The following PCDHGA2 variants were observed in gnomAD, a reference collection of about 807,000 sequenced individuals.
The protein encoded by PCDHGA2 is protocadherin gamma-A2.
PCDHGA2 carries 40 observed loss-of-function variants against 59.2 expected under a neutral mutation model. That is an observed-to-expected ratio of 0.68 (90% CI 0.52 to 0.88). The LOEUF (loss-of-function observed/expected upper bound fraction) is 0.88. PCDHGA2 is among the 40% of genes least tolerant of loss of function. The pLI is 0.00. For missense variants in PCDHGA2, 1,226 were observed against 1,204.0 expected, an observed-to-expected ratio of 1.02 and a Z score of -0.27; for synonymous variants, 560 against 526.0, an observed-to-expected ratio of 1.06 and a Z score of -0.89.
intron 1 of PCDHGA2, among the ~76,000 whole-genome samples, chr5:141,460,951 G>GTATA (rs200454978): frequency 7.9e-5 from 11 of 139,774 alleles, no homozygotes; most frequent in Middle Eastern, 3.7e-3. Context: ...TATGTATTAT[G>GTATA]TATATATATA....
intron 1 of PCDHGA2, chr5:141,399,718 C>G (rs770212703): frequency 6.2e-7 from 1 of 1,613,308 alleles, no homozygotes; most frequent in Non-Finnish European, 8.5e-7. Context: ...ACTACAGGCC[C>G]GCGACCAGGG....
At chr5:141,492,587 C>G (rs2154587748) in intron 1 of PCDHGA2, among the ~76,000 whole-genome samples, 1 of 152,314 alleles carries the variant, frequency 6.6e-6, no homozygotes, top group African/African-American at 2.4e-5. Flanking sequence ...GGGCCAGGAG[C>G]GCTGGAGCGA....
chr5:141,481,679 C>T (rs2099541734), intron 1 of PCDHGA2, among the ~76,000 whole-genome samples: 1 of 151,948 alleles, frequency 6.6e-6, no homozygotes, highest in Non-Finnish European at 1.5e-5. Context: ...TCAGGCCGGG[C>T]CTGGTGGCTC....
At chr5:141,466,450 G>T (rs139024933) in intron 1 of PCDHGA2, among the ~76,000 whole-genome samples, 1 of 152,172 alleles carries the variant, frequency 6.6e-6, no homozygotes, top group Non-Finnish European at 1.5e-5. Context: ...TGTCTATGGT[G>T]TTGGCTATTG....
At position 141,511,983 on chromosome 5, in the gene PCDHGA2, G is replaced by A. The variant is rs904146751; in HGVS notation, c.*810G>A. 6.5e-6 allele frequency: 1 copy of A among 153,280 alleles called. No homozygotes were observed. The highest frequency in any genetic ancestry group is 1.5e-5 in the Non-Finnish European group (1 of 68,572). The allele number at this position is 153,280 out of a possible 1,614,324, so 9.5% of individuals were successfully genotyped here. A position where few individuals can be genotyped will look rare whatever the true frequency, so the allele number is the denominator to read the frequency against. ...AGGGAAGTGTGTGGATGTGGATGGT[G>A]GGGGCATGGACAAAGCTTGACACAT... On this transcript the variant is annotated 3_prime_UTR_variant, in exon 4 of 4. Coordinates refer to ENST00000394576, the MANE Select transcript of PCDHGA2 (RefSeq NM_018915.4).
intron 1 of PCDHGA2, chr5:141,370,251 A>G (rs981279976): frequency 4.3e-6 from 3 of 695,796 alleles, no homozygotes; most frequent in Non-Finnish European, 6.9e-6. Context: ...TGCACTCTCT[A>G]TCAGGCTTCC....
rs2096651086 is a variant in PCDHGA2 at position 141,422,486 on chromosome 5, A to G, written c.2425-72321A>G. Reference sequence around the variant, plus strand: ...GACAGGGAGTTGGTCCAGAGCTACAATATAACGTTGACAGCCACAGACCAG... The same window carrying G: ...GACAGGGAGTTGGTCCAGAGCTACAGTATAACGTTGACAGCCACAGACCAG... On this transcript the variant is annotated intron_variant, in intron 1 of 3. Coordinates refer to ENST00000394576, the MANE Select transcript of PCDHGA2 (RefSeq NM_018915.4). The G allele has an allele frequency of 1.2e-6, 2 of 1,613,852 alleles. No individual in the cohort carries two copies. The highest frequency in any genetic ancestry group is 1.3e-5 in the African/African-American group (1 of 74,924).
intron 1 of PCDHGA2, chr5:141,416,389 T>A (rs2096020280): frequency 6.6e-6 from 1 of 152,236 alleles, no homozygotes; most frequent in Non-Finnish European, 1.5e-5. Context: ...TATTTGGGAT[T>A]CTGCTTTTGT....
intron 1 of PCDHGA2, among the ~76,000 whole-genome samples, chr5:141,443,070 T>C (rs983773796): frequency 6.6e-6 from 1 of 152,244 alleles, no homozygotes; most frequent in African/African-American, 2.4e-5. Flanking sequence ...GAGCGTCTTA[T>C]GACTGAGTGT....
intron 1 of PCDHGA2, chr5:141,403,572 C>T (rs749341214): frequency 1.9e-6 from 3 of 1,613,946 alleles, no homozygotes; most frequent in Non-Finnish European, 8.5e-7. Flanking sequence ...GAGGCAACTG[C>T]CCACCACCTG....
intron 1 of PCDHGA2, among the ~76,000 whole-genome samples, chr5:141,436,839 A>G (rs1247924864): frequency 6.6e-6 from 1 of 152,260 alleles, no homozygotes; most frequent in African/African-American, 2.4e-5. Flanking sequence ...GTGCCTAGGC[A>G]CATTCTTGAT....
intron 1 of PCDHGA2, chr5:141,364,780 A>C (rs1217288326): frequency 6.2e-7 from 1 of 1,614,006 alleles, no homozygotes; most frequent in Non-Finnish European, 8.5e-7. Flanking sequence ...CTGCAGGGAC[A>C]CGGTTAGTGC....
intron 1 of PCDHGA2, chr5:141,428,082 G>T (rs776612130): frequency 1.2e-6 from 2 of 1,609,030 alleles, no homozygotes; most frequent in South Asian, 2.2e-5. Flanking sequence ...GGGACACAAC[G>T]CTTGGCTGTC....
At chr5:141,356,078 A>C (rs779701115) in intron 1 of PCDHGA2, 6 of 1,613,924 alleles carry the variant, frequency 3.7e-6, no homozygotes, top group Non-Finnish European at 5.1e-6. Context: ...CAGCTATTTC[A>C]GTTGAATTCT....
Position 141,432,292 on chromosome 5 carries a change from T to C in PCDHGA2, c.2425-62515T>C, listed in dbSNP as rs1339412798. 2 of 1,614,078 alleles carry C rather than the reference T, an allele frequency of 1.2e-6. No individual in the cohort carries two copies. The highest frequency in any genetic ancestry group is 2.2e-5 in the East Asian group (1 of 44,888). On this transcript the variant is annotated intron_variant, in intron 1 of 3. Coordinates refer to ENST00000394576, the MANE Select transcript of PCDHGA2 (RefSeq NM_018915.4). The surrounding 1 kb of genome is among the most constrained non-coding windows in gnomAD (Gnocchi z 6.0). ...CCTACGTGTCCATCAACTCCGACAC[T>C]GGGGTACTGTATGCGCTGAGCTCCT...
intron 1 of PCDHGA2, chr5:141,345,366 ATCAAT>A: frequency 6.2e-7 from 1 of 1,614,130 alleles, no homozygotes; most frequent in Middle Eastern, 1.6e-4. Flanking sequence ...TGTGATTGAC[ATCAAT>A]GACAACCCAC....
intron 1 of PCDHGA2, chr5:141,417,918 T>C (rs1371704441): frequency 1.2e-6 from 2 of 1,605,528 alleles, no homozygotes; most frequent in Non-Finnish European, 8.5e-7. Context: ...CTATTTCCTT[T>C]GCTGCTGCCT....
At position 141,464,036 on chromosome 5, in the gene PCDHGA2, G is replaced by A. The variant is rs907276618; in HGVS notation, c.2425-30771G>A. On this transcript the variant is annotated intron_variant, in intron 1 of 3. Coordinates refer to ENST00000394576, the MANE Select transcript of PCDHGA2 (RefSeq NM_018915.4). ...ATCCCACACTTTGGGAGGCCAAGGC[G>A]GGTGGATCACCTGAGGTCAGGAGTT... Among the ~76,000 whole-genome samples the A allele has an allele frequency of 2.6e-5, 4 of 152,096 alleles. No individual in the cohort carries two copies. The East Asian group carries it at 5.8e-4, about 22-fold the overall frequency.
chr5:141,372,676 C>G (rs370799055), intron 1 of PCDHGA2: 1 of 1,613,898 alleles, frequency 6.2e-7, no homozygotes, highest in African/African-American at 1.3e-5. Context: ...TCACATTCCT[C>G]AAACACCGAG....
Sources: gnomAD v4.1 joint callset for allele counts (sites outside exome capture counted in the v4.1 genomes callset) on GRCh38, gnomAD v4.1.1 for gene constraint, Gnocchi (gnomAD v3.1) non-coding constraint, MANE v1.5 for transcripts, NCBI Gene and HGNC (gene_info 2026-07-23, HGNC 2026-07-21) for gene names.